The following TBCK variants were observed in gnomAD, a reference collection of about 807,000 sequenced individuals.
The protein encoded by TBCK is TBC domain-containing protein kinase-like protein.
A neutral mutation model predicts 113.4 loss-of-function variants in TBCK; 99 were observed. The ratio of observed to expected loss-of-function variants is 0.87; its 90% confidence interval spans 0.74 to 1.03. The LOEUF is 1.03. Among genes scored for constraint, TBCK ranks in the 50% least tolerant of loss-of-function variants. TBCK has a pLI of 0.00. For missense variants in TBCK, 1,045 were observed against 1,061.3 expected, an observed-to-expected ratio of 0.98 and a Z score of 0.21; for synonymous variants, 369 against 370.8, an observed-to-expected ratio of 1.00 and a Z score of 0.05.
chr4:106,241,179 TAATA>T (rs1286583874), intron 12 of TBCK, among the ~76,000 whole-genome samples: 1 of 151,752 alleles, frequency 6.6e-6, no homozygotes, highest in African/African-American at 2.4e-5. Flanking sequence ...ACAAGAGCAA[TAATA>T]AATTACCTTA....
At chr4:106,084,290 T>C (rs2149496290) in intron 25 of TBCK, among the ~76,000 whole-genome samples, 1 of 152,036 alleles carries the variant, frequency 6.6e-6, no homozygotes, top group East Asian at 1.9e-4. Flanking sequence ...TTGTGAAGAA[T>C]ACATGAGTAT....
chr4:106,206,658 G>A lies in TBCK; in HGVS notation c.1860+6092C>T, dbSNP rs144127831. ...ATAAAATCTGAAAAGCTCATTGTCAGTATTCTCTTTAGACTAAAATCTAAA... is the reference window on the plus strand; with the variant it reads ...ATAAAATCTGAAAAGCTCATTGTCAATATTCTCTTTAGACTAAAATCTAAA... On this transcript the variant is annotated intron_variant, in intron 20 of 25. Coordinates refer to ENST00000394708, the MANE Select transcript of TBCK (RefSeq NM_001163435.3). Among the ~76,000 whole-genome samples the A allele has an allele frequency of 5.0e-3, 761 of 152,228 alleles. 4 individuals carry two copies. The highest frequency in any genetic ancestry group is 0.018 in the African/African-American group (732 of 41,546).
intron 22 of TBCK, among the ~76,000 whole-genome samples, chr4:106,192,436 T>G (rs1753769293): frequency 6.6e-6 from 1 of 152,080 alleles, no homozygotes; most frequent in Admixed American, 6.5e-5. Flanking sequence ...TATTTATTAC[T>G]GTTCAAAACA....
At chr4:106,055,772 A>G (rs1735314171) in intron 25 of TBCK, among the ~76,000 whole-genome samples, 1 of 151,590 alleles carries the variant, frequency 6.6e-6, no homozygotes, top group African/African-American at 2.4e-5. Context: ...AATACAAGTT[A>G]TTAATATATC....
intron 1 of TBCK, among the ~76,000 whole-genome samples, chr4:106,309,305 C>CTTTTTTTT (rs536969885): frequency 6.8e-5 from 7 of 103,164 alleles, no homozygotes; most frequent in Admixed American, 2.3e-4. Context: ...AGGCTCTTCT[C>CTTTTTTTT]TTTTTTTTTT....
At chr4:106,297,936 G>T (rs1766484722) in intron 2 of TBCK, among the ~76,000 whole-genome samples, 1 of 152,054 alleles carries the variant, frequency 6.6e-6, no homozygotes, top group Non-Finnish European at 1.5e-5. Context: ...TATAATAAAG[G>T]CCTAGAATAG....
chr4:106,115,725 T>C (rs1346805102), intron 24 of TBCK, among the ~76,000 whole-genome samples: 1 of 152,218 alleles, frequency 6.6e-6, no homozygotes, highest in Non-Finnish European at 1.5e-5. Flanking sequence ...GTATGTTCAA[T>C]AGTAAAATCT....
Position 106,070,428 on chromosome 4 carries a change from T to C in TBCK, c.2572-23748A>G, listed in dbSNP as rs184058850. 5.0e-3 allele frequency among the ~76,000 whole-genome samples: 763 copies of C among 152,334 alleles called. 3 individuals carry two copies. Among genetic ancestry groups the C allele is most frequent in the African/African-American group, 0.018 (734 of 41,580 alleles). ...TGGTTTTTGTCTTTGGTTCTATTTA[T>C]GTGATGGATTACGTTTATTGATTTG... On this transcript the variant is annotated intron_variant, in intron 25 of 25. Transcript: ENST00000394708.
chr4:106,263,870 C>T (rs1327423615), intron 3 of TBCK, among the ~76,000 whole-genome samples: 1 of 151,960 alleles, frequency 6.6e-6, no homozygotes, highest in Non-Finnish European at 1.5e-5. Context: ...TACTTACTTA[C>T]TAACTCTTCA....
chr4:106,047,483 C>T (rs1399956400), intron 25 of TBCK, among the ~76,000 whole-genome samples: 1 of 152,094 alleles, frequency 6.6e-6, no homozygotes. Context: ...CCCTCTTTAG[C>T]GCCTCCTCAA....
intron 25 of TBCK, among the ~76,000 whole-genome samples, chr4:106,067,009 A>C (rs1736724913): frequency 6.6e-6 from 1 of 152,092 alleles, no homozygotes; most frequent in South Asian, 2.1e-4. Flanking sequence ...CCCTGTTTTC[A>C]ATTCTTTTTG....
chr4:106,181,398 T>A (rs139026474), intron 22 of TBCK, among the ~76,000 whole-genome samples: 2,762 of 152,300 alleles, frequency 0.018, 74 homozygotes, highest in African/African-American at 0.061. Context: ...CAATTTTGGC[T>A]TTTGTTGCCA....
At chr4:106,169,375 C>T (rs182884982) in intron 23 of TBCK, among the ~76,000 whole-genome samples, 2 of 151,990 alleles carry the variant, frequency 1.3e-5, no homozygotes, top group East Asian at 3.9e-4. Context: ...ATAGAGAGTT[C>T]AGAAATCAAC....
At chr4:106,080,672 G>GA (rs1198221118) in intron 25 of TBCK, among the ~76,000 whole-genome samples, 2 of 152,116 alleles carry the variant, frequency 1.3e-5, no homozygotes, top group Non-Finnish European at 1.5e-5. Context: ...TGACAAATGG[G>GA]ACCTAATTAA....
intron 3 of TBCK, among the ~76,000 whole-genome samples, chr4:106,277,352 T>C (rs1764143239): frequency 6.6e-6 from 1 of 151,890 alleles, no homozygotes; most frequent in East Asian, 1.9e-4. Flanking sequence ...TATTTCCTCA[T>C]GAAAAATGAA....
intron 3 of TBCK, among the ~76,000 whole-genome samples, chr4:106,270,316 G>A (rs1201465190): frequency 2.0e-5 from 3 of 152,146 alleles, no homozygotes; most frequent in Non-Finnish European, 4.4e-5. Flanking sequence ...AAGATTGGCT[G>A]CATATTTCTG....
intron 25 of TBCK, among the ~76,000 whole-genome samples, chr4:106,076,966 T>C (rs991401104): frequency 3.3e-5 from 5 of 152,066 alleles, no homozygotes; most frequent in African/African-American, 1.2e-4. Flanking sequence ...TACCCAGGTG[T>C]GGTGACATGC....
chr4:106,275,239 TA>T (rs1763902555), intron 3 of TBCK, among the ~76,000 whole-genome samples: 1 of 152,188 alleles, frequency 6.6e-6, no homozygotes. Flanking sequence ...CTTCTGATTT[TA>T]AAAACCCTTA....
chr4:106,143,202 A>G (rs1747336229), intron 23 of TBCK, among the ~76,000 whole-genome samples: 1 of 152,128 alleles, frequency 6.6e-6, no homozygotes. Context: ...ATCTTCCTCA[A>G]TACAATATAT....
Sources: allele counts gnomAD v4.1 joint callset (sites outside exome capture counted in the v4.1 genomes callset), GRCh38; gene constraint gnomAD v4.1.1; transcripts MANE v1.5; gene names NCBI Gene and HGNC (gene_info 2026-07-23, HGNC 2026-07-21).